Variants in ACACA observed in about 807,000 individuals in gnomAD.
The protein encoded by ACACA is acetyl-CoA carboxylase alpha, also known as acetyl-CoA carboxylase 1.
Under a neutral mutation model 296.1 loss-of-function variants are expected in ACACA, and 103 were observed. The observed-to-expected ratio is 0.35, with a 90% CI of 0.30 to 0.41. The LOEUF is 0.41. ACACA is among the 10% of genes least tolerant of loss of function. The probability of loss-of-function intolerance (pLI) is 1.00; values close to 1 mark genes in which losing one functional copy is unlikely to be tolerated. For missense variants in ACACA, 1,554 were observed against 2,989.7 expected (o/e 0.52, Z 11.20); for synonymous variants, 953 against 1,038.6 (o/e 0.92, Z 1.58).
Position 37,169,318 on chromosome 17 carries a change from C to A in ACACA, c.5080-7268G>T, listed in dbSNP as rs966958145. On this transcript the variant is annotated intron_variant, in intron 41 of 55. Coordinates refer to ENST00000616317, the MANE Select transcript of ACACA (RefSeq NM_198834.3). ...TTCTCTACCCAACTCAACTAATCACCTGACAAAATTGAATTTGATACTGGA... is the reference window on the plus strand; with the variant it reads ...TTCTCTACCCAACTCAACTAATCACATGACAAAATTGAATTTGATACTGGA... Among the ~76,000 whole-genome samples, 12 of 152,336 alleles carry A rather than the reference C, an allele frequency of 7.9e-5. No individual in the cohort carries two copies. In the East Asian group the frequency reaches 2.3e-3, roughly 29 times the overall value.
intron 41 of ACACA, among the ~76,000 whole-genome samples, chr17:37,163,929 A>G (rs574459523): frequency 8.5e-5 from 13 of 152,186 alleles, no homozygotes; most frequent in African/African-American, 2.9e-4. Context: ...TTCTACTTGT[A>G]TATTTGCTAG....
At chr17:37,397,606 A>G (rs1373794290) in intron 1 of ACACA, among the ~76,000 whole-genome samples, 2 of 152,040 alleles carry the variant, frequency 1.3e-5, no homozygotes, top group Non-Finnish European at 2.9e-5. Context: ...CTCATATTTC[A>G]TCATCTGTTC....
At chr17:37,377,941 A>G in intron 1 of ACACA, 1 of 1,613,882 alleles carries the variant, frequency 6.2e-7, no homozygotes, top group African/African-American at 1.3e-5. Context: ...AGACGTGAGA[A>G]GCATCAGAGA....
chr17:37,269,763 G>GGA (rs1242417743), intron 10 of ACACA, among the ~76,000 whole-genome samples: 1 of 129,298 alleles, frequency 7.7e-6, no homozygotes, highest in Non-Finnish European at 1.6e-5. Context: ...TGTTTTAAGG[G>GGA]AAAAAAAAAA....
chr17:37,248,566 T>C (rs370771498), intron 17 of ACACA, 27 bp downstream of exon 17: 89 of 1,533,406 alleles, frequency 5.8e-5, no homozygotes, highest in Non-Finnish European at 7.9e-5. Context: ...AAAAGTAAGG[T>C]GCAAGCTCCA....
intron 1 of ACACA, chr17:37,391,952 C>G (rs1401892767): frequency 1.8e-6 from 1 of 544,450 alleles, no homozygotes; most frequent in Admixed American, 3.1e-5. Flanking sequence ...TAAATGGATA[C>G]CTTTCCATCC....
intron 45 of ACACA, among the ~76,000 whole-genome samples, chr17:37,147,152 A>G (rs1317807035): frequency 6.6e-6 from 1 of 152,112 alleles, no homozygotes; most frequent in Admixed American, 6.5e-5. Context: ...TCAAATATTT[A>G]CAGTCTAAGA....
intron 1 of ACACA, chr17:37,391,968 A>C: frequency 1.9e-6 from 1 of 512,872 alleles, no homozygotes; most frequent in Non-Finnish European, 3.5e-6. Context: ...CATCCCCTCA[A>C]ACGAGAACAA....
At chr17:37,261,658 T>C (rs970711759) in intron 11 of ACACA, among the ~76,000 whole-genome samples, 4 of 152,146 alleles carry the variant, frequency 2.6e-5, no homozygotes, top group African/African-American at 7.2e-5. Flanking sequence ...TGAAGGACAA[T>C]GAACAAGGGA....
rs1011171403 is a variant in ACACA at position 37,114,532 on chromosome 17, A to T, written c.6275-1267T>A. Among the ~76,000 whole-genome samples, 7 of 61,820 alleles carry T rather than the reference A, an allele frequency of 1.1e-4. No individual in the cohort carries two copies. In the East Asian group the frequency reaches 2.7e-3, roughly 24 times the overall value. 40.6% of individuals were successfully genotyped at this position (61,820 alleles called of 152,430 possible). On this transcript the variant is annotated intron_variant, in intron 50 of 55. Coordinates refer to ENST00000616317, the MANE Select transcript of ACACA (RefSeq NM_198834.3). ...GGTAACACAGCAAGGCCCTGCCTTT[A>T]AAAAAAAAAAAAAAAAAAAAAGAGT...
In ACACA at chr17:37,334,585, C is replaced by T. The variant is rs543322103; in HGVS notation, c.86-4160G>A. Among the ~76,000 whole-genome samples the T allele has an allele frequency of 2.0e-5, 3 of 152,242 alleles. No individual in the cohort carries two copies. The South Asian group carries it at 6.2e-4, about 32-fold the overall frequency. On this transcript the variant is annotated intron_variant, in intron 2 of 55. Coordinates refer to ENST00000616317, the MANE Select transcript of ACACA (RefSeq NM_198834.3). Reference sequence around the variant, plus strand: ...TCAAAAATCCATGAGACAATGCTAGCTATTCCTGTGAACCTCTAGAGGATC... The same window carrying T: ...TCAAAAATCCATGAGACAATGCTAGTTATTCCTGTGAACCTCTAGAGGATC...
chr17:37,230,055 C>T (rs1406087882), intron 25 of ACACA, among the ~76,000 whole-genome samples: 1 of 146,194 alleles, frequency 6.8e-6, no homozygotes, highest in African/African-American at 2.5e-5. Context: ...GAGTGAAATT[C>T]CGTCTCAAAA....
intron 43 of ACACA, among the ~76,000 whole-genome samples, chr17:37,155,194 T>C (rs563853691): frequency 6.6e-6 from 1 of 152,218 alleles, no homozygotes; most frequent in African/African-American, 2.4e-5. Flanking sequence ...GTCTGAATGT[T>C]CAAATATATT....
At chr17:37,364,599 A>G (rs1259779319) in intron 1 of ACACA, among the ~76,000 whole-genome samples, 1 of 106,422 alleles carries the variant, frequency 9.4e-6, no homozygotes, top group East Asian at 2.4e-4. Flanking sequence ...TCAAAAAAAA[A>G]AAAAAAGAAA....
intron 25 of ACACA, 92 bp downstream of exon 25, chr17:37,234,883 G>GA: frequency 3.5e-6 from 5 of 1,426,088 alleles, no homozygotes; most frequent in Non-Finnish European, 4.9e-6. Flanking sequence ...AAAGGCAGTA[G>GA]TTTTTTTTCT....
chr17:37,391,491 A>T (rs1160075412), intron 1 of ACACA, among the ~76,000 whole-genome samples: 1 of 152,184 alleles, frequency 6.6e-6, no homozygotes, highest in African/African-American at 2.4e-5. Context: ...CACCTTGATC[A>T]TACTTTCTCA....
chr17:37,147,651 T>G (rs753544219), intron 45 of ACACA, among the ~76,000 whole-genome samples: 4 of 152,232 alleles, frequency 2.6e-5, no homozygotes, highest in Non-Finnish European at 5.9e-5. Context: ...GGAGCTGACA[T>G]GAAGATAGTG....
At chr17:37,165,267 CA>C (rs1250366290) in intron 41 of ACACA, among the ~76,000 whole-genome samples, 8 of 152,052 alleles carry the variant, frequency 5.3e-5, no homozygotes, top group African/African-American at 1.4e-4. Context: ...ATTCAATTTA[CA>C]TTAAAATAAT....
At chr17:37,260,017 GA>G in intron 11 of ACACA, among the ~76,000 whole-genome samples, 1 of 151,174 alleles carries the variant, frequency 6.6e-6, no homozygotes, top group South Asian at 2.1e-4. Context: ...AAGTAGCTGA[GA>G]TTACAGGCAT....
Sources: allele counts gnomAD v4.1 joint callset (sites outside exome capture counted in the v4.1 genomes callset), GRCh38; gene constraint gnomAD v4.1.1; transcripts MANE v1.5; gene names NCBI Gene and HGNC (gene_info 2026-07-23, HGNC 2026-07-21).